Variants in CRACD observed in about 807,000 individuals in gnomAD.
CRACD encodes capping protein-inhibiting regulator of actin dynamics.
In CRACD, 56 loss-of-function variants were observed where a neutral mutation model predicts 106.8. The ratio of observed to expected loss-of-function variants is 0.52; its 90% CI spans 0.42 to 0.66. The LOEUF is 0.66. CRACD is among the 30% of genes least tolerant of loss of function. CRACD has a pLI of 0.00. For synonymous variants in CRACD, 754 were observed against 670.8 expected (o/e 1.12, Z -1.92); for missense variants, 1,730 against 1,623.2 (o/e 1.07, Z -1.13).
At chr4:56,145,616 T>C (rs1375329972) in intron 1 of CRACD, among the ~76,000 whole-genome samples, 1 of 152,080 alleles carries the variant, frequency 6.6e-6, no homozygotes, top group South Asian at 2.1e-4. Context: ...TTTTTTCTTT[T>C]CATTTTTTTC....
chr4:56,181,615 C>T lies in CRACD; in HGVS notation c.-189+2185C>T, dbSNP rs142201920. Among the ~76,000 whole-genome samples the T allele has an allele frequency of 2.2e-3, 337 of 152,240 alleles. 1 individual carries two copies. The highest frequency in any genetic ancestry group is 7.7e-3 in the African/African-American group (320 of 41,560). ...TTCACAGGTCTGTAGGCTAGAAGTC[C>T]AAAATCAAGTTAGGGCCATGCTCCC... On this transcript the variant is annotated intron_variant, in intron 2 of 10. Coordinates refer to ENST00000682029, the MANE Select transcript of CRACD (RefSeq NM_001393381.1).
At chr4:56,066,790 G>A (rs539955160) in intron 1 of CRACD, among the ~76,000 whole-genome samples, 1 of 152,166 alleles carries the variant, frequency 6.6e-6, no homozygotes, top group South Asian at 2.1e-4. Context: ...CTATGCCCAT[G>A]GAAGAGGCTG....
chr4:56,111,874 A>G (rs2412733), intron 1 of CRACD, among the ~76,000 whole-genome samples: 71,938 of 152,072 alleles, frequency 0.47, 18,287 homozygotes, highest in African/African-American at 0.66. Flanking sequence ...TGGTTCTTAC[A>G]TGGTAACCCT....
intron 1 of CRACD, among the ~76,000 whole-genome samples, chr4:56,058,112 G>A (rs369344367): frequency 8.6e-5 from 13 of 150,344 alleles, no homozygotes; most frequent in South Asian, 2.1e-4. Flanking sequence ...ATGAGCCACC[G>A]TGCCAGGGGT....
chr4:56,153,087 T>A (rs1735640437), intron 1 of CRACD, among the ~76,000 whole-genome samples: 1 of 152,196 alleles, frequency 6.6e-6, no homozygotes. Flanking sequence ...GAGACCAGCC[T>A]GGGCAATGTG....
At chr4:56,092,596 A>T (rs756589515) in intron 1 of CRACD, among the ~76,000 whole-genome samples, 1 of 152,028 alleles carries the variant, frequency 6.6e-6, no homozygotes, top group Non-Finnish European at 1.5e-5. Flanking sequence ...TATTTTATTT[A>T]TTTTTTAATT....
chr4:56,080,973 GT>G (rs1733002139), intron 1 of CRACD, among the ~76,000 whole-genome samples: 1 of 152,076 alleles, frequency 6.6e-6, no homozygotes, highest in South Asian at 2.1e-4. Flanking sequence ...TACTCCAGTT[GT>G]ACCTTAGATT....
Position 56,145,704 on chromosome 4 carries a change from C to G in CRACD, c.-335-33580C>G, listed in dbSNP as rs117729107. On this transcript the variant is annotated intron_variant, in intron 1 of 10. Coordinates refer to ENST00000682029, the MANE Select transcript of CRACD (RefSeq NM_001393381.1). ...TCAGCTCACTGCAACCTCCATCTCC[C>G]AGGTTCAGGCGATCCTCCTGCCTCA... Among the ~76,000 whole-genome samples the G allele has an allele frequency of 7.0e-4, 106 of 152,180 alleles. 2 individuals carry two copies. In the East Asian group the frequency reaches 0.017, roughly 25 times the overall value.
intron 6 of CRACD, among the ~76,000 whole-genome samples, chr4:56,312,432 G>C (rs950618918): frequency 6.6e-6 from 1 of 152,120 alleles, no homozygotes; most frequent in African/African-American, 2.4e-5. Flanking sequence ...CAGAGTGCTG[G>C]GATTACAGGT....
At chr4:56,249,323 CA>C (rs1186987334) in intron 2 of CRACD, among the ~76,000 whole-genome samples, 1 of 147,166 alleles carries the variant, frequency 6.8e-6, no homozygotes, top group African/African-American at 2.5e-5. Flanking sequence ...CTCTGATGGC[CA>C]GTGATGATGA....
Position 56,296,912 on chromosome 4 carries a change from T to TG in CRACD, c.-16-1302_-16-1301insG, listed in dbSNP as rs150534491. Among the ~76,000 whole-genome samples, 1,132 of 129,958 alleles carry TG rather than the reference T, an allele frequency of 8.7e-3. 3 individuals are homozygous for TG. Among genetic ancestry groups the TG allele is most frequent in the Middle Eastern group, 0.032 (7 of 220 alleles). The allele number at this position is 129,958 out of a possible 152,430, so 85.3% of individuals were successfully genotyped here. ...GCTTCCTCTTTGTGCATTTCTTTTT[T>TG]TTTGTTTGTTTTTTTTTTTTTTTGA... On this transcript the variant is annotated intron_variant, in intron 3 of 10. Transcript: ENST00000682029.
chr4:56,223,182 A>G (rs1739137623), intron 2 of CRACD, among the ~76,000 whole-genome samples: 1 of 151,356 alleles, frequency 6.6e-6, no homozygotes, highest in Non-Finnish European at 1.5e-5. Flanking sequence ...CTCTTTTTAA[A>G]CCACAGGTTC....
intron 8 of CRACD, among the ~76,000 whole-genome samples, chr4:56,322,425 C>T (rs369469951): frequency 1.5e-4 from 23 of 152,142 alleles, no homozygotes; most frequent in Non-Finnish European, 2.6e-4. Context: ...AGGTATTTAC[C>T]CCCAATTACA....
At chr4:56,235,256 A>C (rs538326922) in intron 2 of CRACD, among the ~76,000 whole-genome samples, 2 of 152,328 alleles carry the variant, frequency 1.3e-5, no homozygotes, top group African/African-American at 4.8e-5. Context: ...AGCTTTCATC[A>C]AAAACAGATA....
At chr4:56,166,044 T>C (rs1280398454) in intron 1 of CRACD, among the ~76,000 whole-genome samples, 1 of 152,118 alleles carries the variant, frequency 6.6e-6, no homozygotes, top group Non-Finnish European at 1.5e-5. Context: ...AATGTTTTTT[T>C]GTAGAGATGG....
At position 56,210,658 on chromosome 4, in the gene CRACD, A is replaced by T. The variant is rs181387132; in HGVS notation, c.-189+31228A>T. 1.4e-4 allele frequency among the ~76,000 whole-genome samples: 21 copies of T among 152,332 alleles called. No homozygotes were observed. The East Asian group carries it at 4.0e-3, about 29-fold the overall frequency. ...TAATCCATTGTCTTCCCCATAACTA[A>T]AGTTCCTAGTAGTTTAGGTTTAGAG... is the stretch of plus-strand genomic sequence containing the variant. On this transcript the variant is annotated intron_variant, in intron 2 of 10. Coordinates refer to ENST00000682029, the MANE Select transcript of CRACD (RefSeq NM_001393381.1).
At chr4:56,143,029 T>C (rs536691948) in intron 1 of CRACD, among the ~76,000 whole-genome samples, 84 of 152,096 alleles carry the variant, frequency 5.5e-4, no homozygotes, top group African/African-American at 1.9e-3. Context: ...TATCAATCAT[T>C]TACCTTGCTA....
chr4:56,283,673 G>C (rs1007636630), intron 3 of CRACD, among the ~76,000 whole-genome samples: 3 of 152,182 alleles, frequency 2.0e-5, no homozygotes, highest in Admixed American at 6.5e-5. Context: ...GGCGGCTGTG[G>C]CTCCTGATGC....
chr4:56,272,087 C>A (rs1193169501), intron 2 of CRACD, among the ~76,000 whole-genome samples: 2 of 152,192 alleles, frequency 1.3e-5, no homozygotes, highest in Non-Finnish European at 2.9e-5. Context: ...TTCTTGGGAG[C>A]CTGGGGGACA....
Sources: gnomAD v4.1 joint callset for allele counts (sites outside exome capture counted in the v4.1 genomes callset) on GRCh38, gnomAD v4.1.1 for gene constraint, MANE v1.5 for transcripts, NCBI Gene and HGNC (gene_info 2026-07-23, HGNC 2026-07-21) for gene names.